SUCLG2: variants seen among roughly 807,000 people sequenced by gnomAD.
The protein encoded by SUCLG2 is succinate-CoA ligase GDP-forming subunit beta.
Under a neutral mutation model 47.9 loss-of-function variants are expected in SUCLG2, and 42 were observed. The ratio of observed to expected loss-of-function variants is 0.88; its 90% confidence interval spans 0.69 to 1.14. The LOEUF (loss-of-function observed/expected upper bound fraction) is 1.14. SUCLG2 is among the 50% of genes most tolerant of loss of function. SUCLG2 has a pLI of 0.00. For missense variants in SUCLG2, 571 were observed against 525.9 expected, an observed-to-expected ratio of 1.09 and a Z score of -0.84; for synonymous variants, 195 against 197.3, an observed-to-expected ratio of 0.99 and a Z score of 0.10.
At chr3:67,609,383 C>A in intron 2 of SUCLG2, 72 bp downstream of exon 2, 2 of 1,523,190 alleles carry the variant, frequency 1.3e-6, no homozygotes, top group Non-Finnish European at 1.8e-6. Flanking sequence ...AAAAAATTAA[C>A]TAGTGGGAAG....
At chr3:67,410,424 A>C (rs1702909045) in intron 9 of SUCLG2, among the ~76,000 whole-genome samples, 1 of 152,216 alleles carries the variant, frequency 6.6e-6, no homozygotes, top group Non-Finnish European at 1.5e-5. Context: ...GGCATTATAA[A>C]TAGGAAAAGG....
At chr3:67,591,086 T>G (rs1708151287) in intron 2 of SUCLG2, among the ~76,000 whole-genome samples, 1 of 152,240 alleles carries the variant, frequency 6.6e-6, no homozygotes, top group African/African-American at 2.4e-5. Flanking sequence ...GTGCATTTAT[T>G]GATCTCTAAT....
intron 9 of SUCLG2, among the ~76,000 whole-genome samples, chr3:67,482,728 A>G (rs1156588630): frequency 6.6e-6 from 1 of 152,194 alleles, no homozygotes; most frequent in East Asian, 1.9e-4. Flanking sequence ...CTCTTGGATC[A>G]TAATGACACA....
chr3:67,456,275 G>T (rs1172400050), intron 9 of SUCLG2, among the ~76,000 whole-genome samples: 1 of 152,014 alleles, frequency 6.6e-6, no homozygotes, highest in African/African-American at 2.4e-5. Flanking sequence ...AAAATTAATT[G>T]GGTCAAAAAT....
intron 1 of SUCLG2, among the ~76,000 whole-genome samples, chr3:67,645,636 A>C (rs1297857809): frequency 6.6e-6 from 1 of 152,118 alleles, no homozygotes; most frequent in Non-Finnish European, 1.5e-5. Flanking sequence ...TTAATGATAC[A>C]TCACTTTAAA....
intron 9 of SUCLG2, among the ~76,000 whole-genome samples, chr3:67,417,518 G>A (rs969178144): frequency 1.3e-5 from 2 of 152,190 alleles, no homozygotes; most frequent in South Asian, 2.1e-4. Context: ...GGTGCGACAC[G>A]ATGCCTACAA....
chr3:67,603,932 T>C (rs759847788), intron 2 of SUCLG2, among the ~76,000 whole-genome samples: 23 of 152,218 alleles, frequency 1.5e-4, no homozygotes, highest in Non-Finnish European at 2.8e-4. Context: ...AAAAAAAGTA[T>C]GTACTTATAA....
At chr3:67,399,260 T>C (rs1702629401) in intron 10 of SUCLG2, among the ~76,000 whole-genome samples, 1 of 152,200 alleles carries the variant, frequency 6.6e-6, no homozygotes. Context: ...TGTGACCAAA[T>C]TATAAACACA....
chr3:67,533,503 G>A (rs974736101), intron 2 of SUCLG2, among the ~76,000 whole-genome samples: 1 of 152,114 alleles, frequency 6.6e-6, no homozygotes, highest in African/African-American at 2.4e-5. Flanking sequence ...ATTCCTAATT[G>A]AGAAAGTTAA....
intron 1 of SUCLG2, among the ~76,000 whole-genome samples, chr3:67,628,178 T>C (rs182276388): frequency 1.3e-5 from 2 of 152,358 alleles, no homozygotes; most frequent in East Asian, 3.9e-4. Flanking sequence ...CCCTGTTTCA[T>C]ACTTTCTTAT....
At chr3:67,497,031 G>C (rs559887792) in intron 8 of SUCLG2, among the ~76,000 whole-genome samples, 1 of 152,254 alleles carries the variant, frequency 6.6e-6, no homozygotes, top group East Asian at 1.9e-4. Context: ...TAAATAATCT[G>C]TATTTAATTT....
At chr3:67,537,826 G>A (rs9817076) in intron 2 of SUCLG2, among the ~76,000 whole-genome samples, 102,788 of 152,122 alleles carry the variant, frequency 0.68, 34,935 homozygotes, top group Admixed American at 0.75. Flanking sequence ...GACCAGTGAT[G>A]ATAAGCTTTT....
At chr3:67,429,843 G>C (rs983891369) in intron 9 of SUCLG2, among the ~76,000 whole-genome samples, 1 of 152,098 alleles carries the variant, frequency 6.6e-6, no homozygotes, top group Non-Finnish European at 1.5e-5. Flanking sequence ...AAGATCAAAA[G>C]AGACAAAGAA....
intron 10 of SUCLG2, among the ~76,000 whole-genome samples, chr3:67,399,090 G>A (rs372382183): frequency 0.047 from 6,699 of 144,036 alleles, 203 homozygotes; most frequent in Middle Eastern, 0.11. Context: ...GTTAATCGGT[G>A]CAGCACACCA....
chr3:67,557,362 A>C (rs4856877), intron 2 of SUCLG2, among the ~76,000 whole-genome samples: 12,961 of 152,182 alleles, frequency 0.085, 816 homozygotes, highest in East Asian at 0.28. Flanking sequence ...TTTCATATTC[A>C]AATTTATATT....
At chr3:67,392,704 T>C (rs1026979965) in intron 10 of SUCLG2, among the ~76,000 whole-genome samples, 1 of 152,122 alleles carries the variant, frequency 6.6e-6, no homozygotes, top group South Asian at 2.1e-4. Flanking sequence ...ATAATAACAA[T>C]AAGAGAAGAC....
intron 9 of SUCLG2, among the ~76,000 whole-genome samples, chr3:67,458,256 G>A (rs568392900): frequency 1.2e-3 from 186 of 152,192 alleles, no homozygotes; most frequent in African/African-American, 4.2e-3. Context: ...GTTTTGGGGT[G>A]GTTTGCTATG....
chr3:67,386,341 C>T (rs1386664708), intron 10 of SUCLG2, among the ~76,000 whole-genome samples: 1 of 151,862 alleles, frequency 6.6e-6, no homozygotes, highest in Non-Finnish European at 1.5e-5. Flanking sequence ...CATTATCCAC[C>T]TGAATAACAG....
At chr3:67,521,699 A>C (rs1480953813) in intron 4 of SUCLG2, among the ~76,000 whole-genome samples, 1 of 151,856 alleles carries the variant, frequency 6.6e-6, no homozygotes, top group Non-Finnish European at 1.5e-5. Context: ...GCCTCCCTGC[A>C]ACCTCTGCCT....
Sources: allele counts gnomAD v4.1 joint callset (sites outside exome capture counted in the v4.1 genomes callset), GRCh38; gene constraint gnomAD v4.1.1; transcripts MANE v1.5; gene names NCBI Gene and HGNC (gene_info 2026-07-23, HGNC 2026-07-21).